ADGRL3: variants seen among roughly 807,000 people sequenced by gnomAD.
ADGRL3 encodes the protein calcium-independent alpha-latrotoxin receptor 3.
In ADGRL3, 62 loss-of-function variants were observed where a neutral mutation model predicts 153.5. The observed-to-expected ratio is 0.40, with a 90% CI of 0.33 to 0.50. The LOEUF is 0.50. ADGRL3 is among the 20% of genes least tolerant of loss of function. The pLI is 0.47. For missense variants in ADGRL3, 1,641 were observed against 1,859.4 expected, an observed-to-expected ratio of 0.88 and a Z score of 2.16; for synonymous variants, 710 against 672.5, an observed-to-expected ratio of 1.06 and a Z score of -0.86.
At chr4:61,698,171 G>T (rs1054581915) in intron 6 of ADGRL3, among the ~76,000 whole-genome samples, 1 of 152,118 alleles carries the variant, frequency 6.6e-6, no homozygotes, top group Admixed American at 6.6e-5. Flanking sequence ...AATTACTGAG[G>T]CCGGGCGTGG....
chr4:61,417,001 G>A (rs932155067), intron 2 of ADGRL3, among the ~76,000 whole-genome samples: 1 of 152,070 alleles, frequency 6.6e-6, no homozygotes, highest in Non-Finnish European at 1.5e-5. Context: ...GAAACAGGCA[G>A]CCTAGATCCC....
At chr4:61,533,011 A>C (rs1273531395) in intron 4 of ADGRL3, among the ~76,000 whole-genome samples, 2 of 152,148 alleles carry the variant, frequency 1.3e-5, no homozygotes, top group Non-Finnish European at 2.9e-5. Context: ...TTTACTTCCC[A>C]GGACAAGGTG....
At chr4:61,389,802 C>A (rs1447437992) in intron 2 of ADGRL3, among the ~76,000 whole-genome samples, 1 of 151,956 alleles carries the variant, frequency 6.6e-6, no homozygotes, top group Non-Finnish European at 1.5e-5. Flanking sequence ...TAGTTAGTGC[C>A]CTTCAGAATT....
rs1432637580 is a variant in ADGRL3 at position 61,901,737 on chromosome 4, G to C, written c.1887+5903G>C. Among the ~76,000 whole-genome samples, 6 of 152,080 alleles carry C rather than the reference G, an allele frequency of 3.9e-5. No individual in the cohort carries two copies. The South Asian group carries it at 1.2e-3, about 32-fold the overall frequency. ...ATGCTGAATTTTAAAAAATTGTTTT[G>C]ACTTGTATCAAAACTTAACATGTTA... On this transcript the variant is annotated intron_variant, in intron 11 of 26. Transcript: ENST00000683033.
At chr4:61,825,026 A>G (rs1023244107) in intron 9 of ADGRL3, among the ~76,000 whole-genome samples, 16 of 152,074 alleles carry the variant, frequency 1.1e-4, no homozygotes, top group African/African-American at 3.9e-4. Flanking sequence ...CATCGACACT[A>G]AGAAGCACTT....
At chr4:61,815,971 C>T (rs868791142) in intron 9 of ADGRL3, among the ~76,000 whole-genome samples, 1 of 152,214 alleles carries the variant, frequency 6.6e-6, no homozygotes, top group Non-Finnish European at 1.5e-5. Flanking sequence ...TTTGTTATAG[C>T]ATCACAAACG....
intron 2 of ADGRL3, among the ~76,000 whole-genome samples, chr4:61,489,900 T>G (rs1423713642): frequency 1.3e-5 from 2 of 152,222 alleles, no homozygotes; most frequent in Admixed American, 6.5e-5. Flanking sequence ...AATTTATATG[T>G]GTTGATATAT....
At chr4:61,767,255 G>T (rs994889433) in intron 8 of ADGRL3, among the ~76,000 whole-genome samples, 1 of 151,986 alleles carries the variant, frequency 6.6e-6, no homozygotes, top group East Asian at 1.9e-4. Flanking sequence ...AGATAATTTA[G>T]TTAAAGTGTC....
chr4:61,972,707 A>G (rs1486476686), intron 17 of ADGRL3, among the ~76,000 whole-genome samples: 1 of 152,156 alleles, frequency 6.6e-6, no homozygotes, highest in Admixed American at 6.5e-5. Flanking sequence ...AGTCATTGGT[A>G]GCTTGATGGG....
At chr4:61,660,962 A>G (rs975858023) in intron 5 of ADGRL3, among the ~76,000 whole-genome samples, 1 of 152,108 alleles carries the variant, frequency 6.6e-6, no homozygotes, top group Non-Finnish European at 1.5e-5. Context: ...ATTTTTAAGT[A>G]TGATCATATA....
At chr4:61,512,061 T>C (rs2098466318) in intron 3 of ADGRL3, among the ~76,000 whole-genome samples, 1 of 152,282 alleles carries the variant, frequency 6.6e-6, no homozygotes, top group South Asian at 2.1e-4. Flanking sequence ...TGCCTTTATT[T>C]ACAGAAAAGG....
At chr4:61,383,543 A>G (rs1250335010) in intron 2 of ADGRL3, among the ~76,000 whole-genome samples, 1 of 151,822 alleles carries the variant, frequency 6.6e-6, no homozygotes, top group East Asian at 1.9e-4. Context: ...TTTCTTAACT[A>G]ATGTAGAATA....
chr4:61,732,928 A>C lies in ADGRL3; in HGVS notation c.773A>C (p.Asp258Ala). ...CTGACTGAGTATTCATCCAAGGATG[A>C]CTTCATTGCTGGAAGACCAACTACA... ...DTLTEYSSKD[D>A]FIAGRPTTTY... Residue 258 changes from aspartate to alanine, a missense_variant, in exon 8 of 27, where the codon GAC becomes GCC. Physicochemically the swap from Asp to Ala is moderately radical, Grantham distance 126 (BLOSUM62 -2). Transcript: ENST00000683033. 6.2e-7 allele frequency: 1 copy of C among 1,613,738 alleles called. No individual in the cohort carries two copies. Among genetic ancestry groups the C allele is most frequent in the Non-Finnish European group, 8.5e-7 (1 of 1,179,806 alleles).
At chr4:62,033,623 C>CA (rs1311935769) in intron 23 of ADGRL3, among the ~76,000 whole-genome samples, 2 of 148,094 alleles carry the variant, frequency 1.4e-5, no homozygotes, top group Admixed American at 1.3e-4. Context: ...GAAATAGATG[C>CA]AAAAAATGTG....
At chr4:61,662,031 A>C (rs1044075298) in intron 5 of ADGRL3, among the ~76,000 whole-genome samples, 25 of 152,212 alleles carry the variant, frequency 1.6e-4, no homozygotes, top group Admixed American at 1.6e-3. Flanking sequence ...GTGGTAGCCA[A>C]TCTGGAGTGG....
At chr4:61,805,459 C>T (rs1045451397) in intron 8 of ADGRL3, among the ~76,000 whole-genome samples, 2 of 152,128 alleles carry the variant, frequency 1.3e-5, no homozygotes, top group African/African-American at 4.8e-5. Context: ...TGTGACTTCC[C>T]TGGTTTATAG....
At chr4:61,570,462 C>A (rs1192061995) in intron 4 of ADGRL3, among the ~76,000 whole-genome samples, 1 of 152,084 alleles carries the variant, frequency 6.6e-6, no homozygotes, top group Non-Finnish European at 1.5e-5. Context: ...TTTCTAAATT[C>A]TCTCAAATTC....
At chr4:61,473,229 G>A (rs1336940829) in intron 2 of ADGRL3, among the ~76,000 whole-genome samples, 1 of 151,516 alleles carries the variant, frequency 6.6e-6, no homozygotes, top group Non-Finnish European at 1.5e-5. Context: ...GTGTGTGTGT[G>A]TGTGTGTGTG....
intron 8 of ADGRL3, among the ~76,000 whole-genome samples, chr4:61,761,348 T>G (rs1024117234): frequency 6.6e-6 from 1 of 152,206 alleles, no homozygotes; most frequent in African/African-American, 2.4e-5. Context: ...TAGTTCAGCC[T>G]ATGCCCAGGA....
Sources: gnomAD v4.1 joint callset for allele counts (sites outside exome capture counted in the v4.1 genomes callset) on GRCh38, gnomAD v4.1.1 for gene constraint, MANE v1.5 for transcripts, NCBI Gene and HGNC (gene_info 2026-07-23, HGNC 2026-07-21) for gene names.